NRXN1: variants seen among roughly 807,000 people sequenced by gnomAD.
NRXN1 encodes the protein neurexin-1.
NRXN1 carries 39 observed loss-of-function variants against 150.9 expected under a neutral mutation model. The observed-to-expected ratio is 0.26, with a 90% CI of 0.20 to 0.34. NRXN1 has a LOEUF of 0.34. Among genes scored for constraint, NRXN1 ranks in the 10% least tolerant of loss-of-function variants. NRXN1 has a pLI of 1.00. For missense variants in NRXN1, 1,815 were observed against 1,949.9 expected (o/e 0.93, Z 1.30); for synonymous variants, 924 against 757.0 (o/e 1.22, Z -3.62).
intron 5 of NRXN1, among the ~76,000 whole-genome samples, chr2:50,638,133 G>C (rs1207190158): frequency 6.6e-6 from 1 of 151,956 alleles, no homozygotes; most frequent in Non-Finnish European, 1.5e-5. Flanking sequence ...TGAAAAACTG[G>C]GTCTCTAGAT....
At position 50,873,811 on chromosome 2, in the gene NRXN1, T is replaced by C. The variant is rs548011862; in HGVS notation, c.832+48058A>G. Among the ~76,000 whole-genome samples the C allele has an allele frequency of 2.0e-5, 3 of 151,946 alleles. No individual in the cohort carries two copies. In the South Asian group the frequency reaches 6.2e-4, roughly 31 times the overall value. The stretch of plus-strand genomic sequence containing the variant: ...TGTATTTATGGCCAAGAGCTGGTCA[T>C]TGGAGATTTATGATGCTCTGCAAAA... On this transcript the variant is annotated intron_variant, in intron 5 of 22. Transcript: ENST00000401669.
intron 22 of NRXN1, among the ~76,000 whole-genome samples, chr2:49,928,032 T>C (rs555260507): frequency 6.6e-6 from 1 of 152,024 alleles, no homozygotes; most frequent in Non-Finnish European, 1.5e-5. Flanking sequence ...CATTATAACC[T>C]GATGACAATG....
intron 2 of NRXN1, among the ~76,000 whole-genome samples, chr2:51,008,332 C>G (rs1384046978): frequency 1.3e-5 from 2 of 151,872 alleles, no homozygotes; most frequent in East Asian, 3.9e-4. Context: ...CTGAGCTATT[C>G]TGAAGCTGTG....
chr2:50,363,205 C>A (rs1400826940), intron 17 of NRXN1, among the ~76,000 whole-genome samples: 5 of 152,030 alleles, frequency 3.3e-5, no homozygotes, highest in African/African-American at 1.2e-4. Context: ...ACTAAAACAC[C>A]AAAAGCAATG....
intron 19 of NRXN1, among the ~76,000 whole-genome samples, chr2:50,062,023 T>C (rs80113689): frequency 0.017 from 2,649 of 152,222 alleles, 83 homozygotes; most frequent in African/African-American, 0.06. Context: ...GTATTAAATG[T>C]CATTGTAAGG....
At chr2:49,928,703 G>T (rs1444394291) in intron 22 of NRXN1, among the ~76,000 whole-genome samples, 1 of 152,068 alleles carries the variant, frequency 6.6e-6, no homozygotes, top group Non-Finnish European at 1.5e-5. Context: ...CAATTATGAT[G>T]CAATCATTCA....
intron 8 of NRXN1, among the ~76,000 whole-genome samples, chr2:50,610,595 G>A (rs1677876969): frequency 7.4e-6 from 1 of 135,092 alleles, no homozygotes. Context: ...ACTCATCTAT[G>A]TGCCCCAGTG....
At chr2:50,934,597 T>C (rs897991963) in intron 2 of NRXN1, among the ~76,000 whole-genome samples, 8 of 152,202 alleles carry the variant, frequency 5.3e-5, no homozygotes, top group Non-Finnish European at 1.5e-5. Flanking sequence ...AAGCTTTCAG[T>C]CATTACAATA....
At chr2:50,756,819 C>T (rs9309193) in intron 5 of NRXN1, among the ~76,000 whole-genome samples, 150,804 of 151,934 alleles carry the variant, frequency 0.99, 74,844 homozygotes, top group Middle Eastern at 1. Context: ...AAGTTGAAAG[C>T]ATACATTTTT....
chr2:50,044,384 T>A (rs1196191194), intron 21 of NRXN1, among the ~76,000 whole-genome samples: 2 of 152,108 alleles, frequency 1.3e-5, no homozygotes, highest in Non-Finnish European at 2.9e-5. Flanking sequence ...ATCTACAGAC[T>A]TGATGGTAAT....
chr2:50,961,739 G>A (rs1255643686), intron 2 of NRXN1, among the ~76,000 whole-genome samples: 1 of 151,592 alleles, frequency 6.6e-6, no homozygotes, highest in South Asian at 2.1e-4. Context: ...GGCCCAAAAT[G>A]ACCCCAAATG....
intron 21 of NRXN1, among the ~76,000 whole-genome samples, chr2:50,029,911 T>C (rs1688938371): frequency 1.3e-5 from 2 of 152,096 alleles, no homozygotes; most frequent in African/African-American, 4.8e-5. Context: ...TTGTGACATT[T>C]AAAGGAGAAA....
intron 17 of NRXN1, among the ~76,000 whole-genome samples, chr2:50,379,860 T>C (rs1416393107): frequency 2.0e-5 from 3 of 152,158 alleles, no homozygotes; most frequent in Non-Finnish European, 4.4e-5. Flanking sequence ...AGTTCTACCA[T>C]ATTGTGTTTA....
chr2:50,200,029 G>C (rs1401297155), intron 18 of NRXN1, among the ~76,000 whole-genome samples: 5 of 152,190 alleles, frequency 3.3e-5, no homozygotes, highest in East Asian at 1.9e-4. Flanking sequence ...TTAAGGAACA[G>C]TTACTATGCT....
At chr2:50,812,849 A>T (rs1424931819) in intron 5 of NRXN1, among the ~76,000 whole-genome samples, 1 of 151,784 alleles carries the variant, frequency 6.6e-6, no homozygotes, top group African/African-American at 2.4e-5. Context: ...GAATACACTG[A>T]TCTAGTGAGT....
chr2:50,543,243 T>C (rs2093426854), intron 9 of NRXN1, among the ~76,000 whole-genome samples: 1 of 152,134 alleles, frequency 6.6e-6, no homozygotes, highest in African/African-American at 2.4e-5. Context: ...ACTGAATTTA[T>C]ATTTGCAGTT....
rs1046157108 is a variant in NRXN1, at chr2:50,894,216, G to A, written c.832+27653C>T. On this transcript the variant is annotated intron_variant, in intron 5 of 22. Transcript: ENST00000401669. ...TAACTAACCTGCACATTGTGCACAT[G>A]TACCCTAAAACTTAAAGTATAATAA... is the stretch of plus-strand genomic sequence containing the variant. 4.7e-5 allele frequency among the ~76,000 whole-genome samples: 7 copies of A among 148,714 alleles called. No individual in the cohort carries two copies. In the East Asian group the frequency reaches 1.2e-3, roughly 25 times the overall value.
chr2:50,736,799 G>A (rs145909494), intron 5 of NRXN1, among the ~76,000 whole-genome samples: 15 of 152,168 alleles, frequency 9.9e-5, no homozygotes, highest in South Asian at 2.1e-4. Context: ...TATCAGGAGC[G>A]TGAAAACGAA....
chr2:49,934,126 T>TA (rs1670605626), intron 22 of NRXN1, among the ~76,000 whole-genome samples: 1 of 152,244 alleles, frequency 6.6e-6, no homozygotes, highest in Non-Finnish European at 1.5e-5. Flanking sequence ...ATTATGATAT[T>TA]TTATGTTTTA....
Sources: allele counts gnomAD v4.1 joint callset (sites outside exome capture counted in the v4.1 genomes callset), GRCh38; gene constraint gnomAD v4.1.1; transcripts MANE v1.5; gene names NCBI Gene and HGNC (gene_info 2026-07-23, HGNC 2026-07-21).